Variants in CCDC191 observed in about 807,000 individuals in gnomAD.
CCDC191 encodes coiled-coil domain-containing protein 191.
Under a neutral mutation model 114.0 loss-of-function variants are expected in CCDC191, and 99 were observed. The observed-to-expected ratio is 0.87, with a 90% CI of 0.74 to 1.03. The LOEUF is 1.03. Among genes scored for constraint, CCDC191 ranks in the 50% least tolerant of loss-of-function variants. The pLI is 0.00. For synonymous variants in CCDC191, 351 were observed against 376.0 expected (o/e 0.93, Z 0.77); for missense variants, 973 against 1,087.0 (o/e 0.90, Z 1.47).
At chr3:114,047,750 G>T (rs1190722464) in intron 2 of CCDC191, among the ~76,000 whole-genome samples, 1 of 152,028 alleles carries the variant, frequency 6.6e-6, no homozygotes, top group African/African-American at 2.4e-5. Context: ...CGAGGCGGGT[G>T]GATCACTTGA....
At chr3:113,986,099 G>A (rs2075345778) in intron 13 of CCDC191, among the ~76,000 whole-genome samples, 1 of 152,126 alleles carries the variant, frequency 6.6e-6, no homozygotes, top group Non-Finnish European at 1.5e-5. Flanking sequence ...TTCCAGATCA[G>A]ATAGGTAATT....
chr3:113,993,347 G>A (rs991885515), intron 13 of CCDC191, among the ~76,000 whole-genome samples: 1 of 152,128 alleles, frequency 6.6e-6, no homozygotes. Flanking sequence ...AATTCACAAT[G>A]CCTATAAAGC....
rs779843516 is a variant in CCDC191 at position 113,980,809 on chromosome 3, A to T, written c.2164-16T>A. ...CAAGTTCTTTCTGGAAAAGATTAAAAAGCAAAATGCTATGATCAAAAAACG... is the reference window on the plus strand; with the variant it reads ...CAAGTTCTTTCTGGAAAAGATTAAATAGCAAAATGCTATGATCAAAAAACG... On this transcript the variant is annotated splice_polypyrimidine_tract_variant and intron_variant, in intron 13 of 16. Coordinates refer to ENST00000295878, the MANE Select transcript of CCDC191 (RefSeq NM_020817.2). The T allele has an allele frequency of 1.9e-6, 3 of 1,591,764 alleles. No homozygotes were observed. Among genetic ancestry groups the T allele is most frequent in the Non-Finnish European group, 1.7e-6 (2 of 1,174,166 alleles).
intron 11 of CCDC191, 23 bp from the exon 12 acceptor site, chr3:114,002,561 T>C (rs1220908696): frequency 6.4e-7 from 1 of 1,552,524 alleles, no homozygotes; most frequent in Non-Finnish European, 8.8e-7. Flanking sequence ...AACAGAGTTC[T>C]AATATTTTTT....
chr3:114,056,250 C>A, intron 1 of CCDC191, 127 bp downstream of exon 1: 1 of 817,328 alleles, frequency 1.2e-6, no homozygotes, highest in Non-Finnish European at 2.0e-6. Context: ...GGCTTTGGGG[C>A]GGTCAAGGCA....
At chr3:114,000,429 C>CCAGATGG (rs1303975960) in intron 13 of CCDC191, among the ~76,000 whole-genome samples, 2 of 152,126 alleles carry the variant, frequency 1.3e-5, no homozygotes, top group South Asian at 2.1e-4. Flanking sequence ...TCTTGGGTCT[C>CCAGATGG]CAGATGGCAG....
chr3:114,025,401 AT>A (rs1250022763), intron 7 of CCDC191, among the ~76,000 whole-genome samples: 1 of 152,148 alleles, frequency 6.6e-6, no homozygotes, highest in African/African-American at 2.4e-5. Context: ...TTTCTGAAGT[AT>A]TTAAAAATCA....
intron 11 of CCDC191, chr3:114,003,539 C>G: frequency 1.0e-6 from 1 of 985,312 alleles, no homozygotes; most frequent in Non-Finnish European, 1.2e-6. Flanking sequence ...ATGCCCTTTG[C>G]CCATCTTTTC....
At chr3:114,013,727 A>T (rs1345935527) in intron 8 of CCDC191, among the ~76,000 whole-genome samples, 1 of 152,208 alleles carries the variant, frequency 6.6e-6, no homozygotes, top group Non-Finnish European at 1.5e-5. Context: ...TAAGAATATA[A>T]AATACAAAAG....
At chr3:114,008,063 AATTACTATATAT>A (rs2076002145) in intron 9 of CCDC191, among the ~76,000 whole-genome samples, 2 of 146,852 alleles carry the variant, frequency 1.4e-5, no homozygotes, top group Non-Finnish European at 1.5e-5. Context: ...TATATATATA[AATTACTATATAT>A]ATTACTATAT....
At chr3:114,045,963 T>C (rs1477564790) in intron 3 of CCDC191, among the ~76,000 whole-genome samples, 1 of 152,232 alleles carries the variant, frequency 6.6e-6, no homozygotes, top group East Asian at 1.9e-4. Flanking sequence ...CAACTGTACC[T>C]AGCACAGAGT....
At chr3:113,967,314 T>C (rs1379808188) in intron 16 of CCDC191, among the ~76,000 whole-genome samples, 7 of 152,164 alleles carry the variant, frequency 4.6e-5, no homozygotes, top group Admixed American at 3.9e-4. Flanking sequence ...CCTGCTGTTC[T>C]ACCCTAACTG....
At chr3:114,002,798 ATTG>A (rs2075879179) in intron 11 of CCDC191, 15 of 927,890 alleles carry the variant, frequency 1.6e-5, no homozygotes, top group Non-Finnish European at 1.8e-5. Flanking sequence ...TATTAAAATA[ATTG>A]TTTACTGATT....
At chr3:113,993,914 A>T (rs935172269) in intron 13 of CCDC191, among the ~76,000 whole-genome samples, 8 of 152,066 alleles carry the variant, frequency 5.3e-5, no homozygotes, top group African/African-American at 1.7e-4. Flanking sequence ...AAAAAAATTA[A>T]CTCCAAATAG....
chr3:113,993,150 G>A (rs2107640235), intron 13 of CCDC191, among the ~76,000 whole-genome samples: 1 of 152,234 alleles, frequency 6.6e-6, no homozygotes, highest in Non-Finnish European at 1.5e-5. Context: ...TCACCCCTGT[G>A]ACCCAGGTGT....
chr3:113,999,980 G>T (rs774093516), intron 13 of CCDC191, among the ~76,000 whole-genome samples: 1 of 152,178 alleles, frequency 6.6e-6, no homozygotes, highest in Non-Finnish European at 1.5e-5. Context: ...ATCATGTTAG[G>T]TGGAATTATG....
chr3:114,056,574 G>A (rs769297632), upstream of CCDC191: 1 of 1,600,332 alleles, frequency 6.2e-7, no homozygotes, highest in Non-Finnish European at 8.5e-7. Flanking sequence ...CGCAAGGAAA[G>A]CAGGCATAGG....
At chr3:114,009,790 G>A (rs922446505) in intron 9 of CCDC191, among the ~76,000 whole-genome samples, 3 of 152,160 alleles carry the variant, frequency 2.0e-5, no homozygotes, top group Non-Finnish European at 4.4e-5. Context: ...TAGCTACTAG[G>A]ATGTTCACTG....
Position 114,056,358 on chromosome 3 carries a change from AG to A in CCDC191, c.90+18del. On this transcript the variant is annotated intron_variant, in intron 1 of 16. Coordinates refer to ENST00000295878, the MANE Select transcript of CCDC191 (RefSeq NM_020817.2). ...CCTTGGGAAAGTCCCCGCCCTCCAA[AG>A]CTCTCGATTGGGATCACCTTGGGAC... The A allele has an allele frequency of 6.2e-7, 1 of 1,613,176 alleles. No homozygotes were observed. Among genetic ancestry groups the A allele is most frequent in the East Asian group, 2.2e-5 (1 of 44,874 alleles).
Sources: allele counts gnomAD v4.1 joint callset (sites outside exome capture counted in the v4.1 genomes callset), GRCh38; gene constraint gnomAD v4.1.1; transcripts MANE v1.5; gene names NCBI Gene and HGNC (gene_info 2026-07-23, HGNC 2026-07-21).